The following MYO1E variants were observed in gnomAD, a reference collection of about 807,000 sequenced individuals.
MYO1E encodes the protein unconventional myosin-Ie.
MYO1E carries 68 observed loss-of-function variants against 151.1 expected under a neutral mutation model. That is an observed-to-expected ratio of 0.45 (90% confidence interval 0.37 to 0.55). The LOEUF is 0.55. MYO1E is among the 20% of genes least tolerant of loss of function. The pLI, the probability that MYO1E is intolerant of heterozygous loss-of-function variation, is 0.00. For missense variants in MYO1E, 1,363 were observed against 1,389.3 expected (o/e 0.98, Z 0.30); for synonymous variants, 601 against 501.7 (o/e 1.20, Z -2.64).
rs2079380126 is a variant in MYO1E at position 59,137,448 on chromosome 15, C to G, written c.3259G>C (p.Gly1087Arg). ...IIDIIKEDPSGWWTGRLRGKQ... is the reference protein window; with the variant it reads ...IIDIIKEDPSRWWTGRLRGKQ... ...CCTCGTAGTCGACCCGTCCACCAGC[C>G]AGAAGGATCTGCAGGGAGAGAGAGG... The change falls in exon 28 of 28, where the codon GGC (glycine) becomes CGC (arginine). Residue 1087 changes from glycine (G) to arginine (R), a missense_variant. By Grantham distance (125) the Gly-to-Arg change is moderately radical. Coordinates refer to ENST00000288235, the MANE Select transcript of MYO1E (RefSeq NM_004998.4). 6.2e-7 allele frequency: 1 copy of G among 1,614,008 alleles called. No individual in the cohort carries two copies. The highest frequency in any genetic ancestry group is 1.3e-5 in the African/African-American group (1 of 74,910).
chr15:59,263,642 T>G lies in MYO1E; in HGVS notation c.148-2133A>C, dbSNP rs191463491. Among the ~76,000 whole-genome samples the G allele has an allele frequency of 5.1e-3, 781 of 152,354 alleles. 4 individuals carry two copies. Among genetic ancestry groups the G allele is most frequent in the Non-Finnish European group, 8.6e-3 (588 of 68,038 alleles). The stretch of plus-strand genomic sequence containing the variant: ...TTATGCTTTTACTTCTCTTTGTCAC[T>G]GACCAGAAAGATCTTCATACTTGAA... On this transcript the variant is annotated intron_variant, in intron 2 of 27. Coordinates refer to ENST00000288235, the MANE Select transcript of MYO1E (RefSeq NM_004998.4).
At chr15:59,334,423 T>C (rs550255774) in intron 1 of MYO1E, among the ~76,000 whole-genome samples, 5 of 152,126 alleles carry the variant, frequency 3.3e-5, no homozygotes, top group Non-Finnish European at 7.4e-5. Context: ...ATCAAAATAT[T>C]GCATGTACCC....
chr15:59,249,903 T>A (rs1367493683), intron 4 of MYO1E, among the ~76,000 whole-genome samples: 2 of 152,210 alleles, frequency 1.3e-5, no homozygotes, highest in African/African-American at 4.8e-5. Context: ...GAACAGGATT[T>A]CCCTGCCTTT....
At chr15:59,195,012 C>A (rs1392686822) in intron 17 of MYO1E, among the ~76,000 whole-genome samples, 2 of 151,952 alleles carry the variant, frequency 1.3e-5, no homozygotes, top group South Asian at 4.2e-4. Flanking sequence ...AGTGTCTTCA[C>A]GAGGCACAGC....
intron 23 of MYO1E, among the ~76,000 whole-genome samples, chr15:59,162,530 T>C (rs1034283904): frequency 6.6e-6 from 1 of 151,478 alleles, no homozygotes; most frequent in African/African-American, 2.4e-5. Context: ...CTTGTAATCC[T>C]AGCTACTCAG....
chr15:59,224,879 C>A, intron 7 of MYO1E, 56 bp from the exon 8 acceptor site: 1 of 1,612,280 alleles, frequency 6.2e-7, no homozygotes, highest in South Asian at 1.1e-5. Flanking sequence ...CACCCGAAGT[C>A]ACTCCTGCAT....
chr15:59,183,513 T>C (rs947763716), intron 18 of MYO1E, among the ~76,000 whole-genome samples: 10 of 152,196 alleles, frequency 6.6e-5, no homozygotes, highest in Middle Eastern at 3.4e-3. Flanking sequence ...TAAGTTTTTT[T>C]TGGGGGGTGG....
intron 1 of MYO1E, among the ~76,000 whole-genome samples, chr15:59,285,346 G>GTC (rs1555416934): frequency 7.7e-6 from 1 of 130,642 alleles, no homozygotes; most frequent in African/African-American, 2.8e-5. Flanking sequence ...GCAAGACACT[G>GTC]TCTCTTTTTT....
chr15:59,151,937 A>G (rs1234835588), intron 26 of MYO1E, among the ~76,000 whole-genome samples: 1 of 151,738 alleles, frequency 6.6e-6, no homozygotes, highest in Non-Finnish European at 1.5e-5. Flanking sequence ...GCATGGTGGC[A>G]GGCGCCTGTA....
At chr15:59,281,325 G>A (rs1296865913) in intron 1 of MYO1E, among the ~76,000 whole-genome samples, 2 of 150,204 alleles carry the variant, frequency 1.3e-5, no homozygotes, top group Non-Finnish European at 3.0e-5. Flanking sequence ...ACCTAGGCTG[G>A]AGTGTAATGG....
intron 1 of MYO1E, among the ~76,000 whole-genome samples, chr15:59,324,800 A>C (rs532806008): frequency 1.3e-5 from 2 of 152,296 alleles, no homozygotes; most frequent in Non-Finnish European, 2.9e-5. Context: ...AAAGACATTA[A>C]AAGACTCCTA....
intron 4 of MYO1E, among the ~76,000 whole-genome samples, chr15:59,237,090 T>A (rs1179408908): frequency 6.6e-6 from 1 of 152,100 alleles, no homozygotes; most frequent in African/African-American, 2.4e-5. Flanking sequence ...ATACAAAACA[T>A]GATTACAATT....
At position 59,178,402 on chromosome 15, in the gene MYO1E, G is replaced by T; in HGVS notation, c.2040C>A (p.Ala680=). Residue 680 remains alanine, a synonymous_variant, in exon 19 of 28, where the codon GCC becomes GCA. Coordinates refer to ENST00000288235, the MANE Select transcript of MYO1E (RefSeq NM_004998.4). ...CCAGCCAAGCACTCACAGACTCGGGGGCTTTGATGAACACTTTACTCCTCC... is the reference window on the plus strand; with the variant it reads ...CCAGCCAAGCACTCACAGACTCGGGTGCTTTGATGAACACTTTACTCCTCC... The part of the protein sequence containing the change: ...QLGRSKVFIK[A]PESLFLLEEM... The T allele has an allele frequency of 6.2e-7, 1 of 1,614,216 alleles. No homozygotes were observed. The highest frequency in any genetic ancestry group is 8.5e-7 in the Non-Finnish European group (1 of 1,180,026).
intron 16 of MYO1E, among the ~76,000 whole-genome samples, chr15:59,196,664 TATTC>T (rs1160975520): frequency 1.3e-5 from 2 of 152,214 alleles, no homozygotes; most frequent in Non-Finnish European, 2.9e-5. Context: ...CAAAGCAAGA[TATTC>T]ATTGGTGAAT....
intron 1 of MYO1E, among the ~76,000 whole-genome samples, chr15:59,279,511 AGACCCTGT>A (rs2080340741): frequency 6.6e-6 from 1 of 152,210 alleles, no homozygotes; most frequent in South Asian, 2.1e-4. Flanking sequence ...CTCCCAGCCA[AGACCCTGT>A]GCCACTTAGC....
chr15:59,233,608 G>A (rs1186123835), intron 5 of MYO1E, among the ~76,000 whole-genome samples: 12 of 144,108 alleles, frequency 8.3e-5, no homozygotes, highest in African/African-American at 3.0e-4. Flanking sequence ...AGGTTGCAGT[G>A]AGCTGAGATC....
chr15:59,151,647 T>G (rs889181776), intron 26 of MYO1E, among the ~76,000 whole-genome samples: 5 of 152,170 alleles, frequency 3.3e-5, no homozygotes, highest in African/African-American at 1.2e-4. Flanking sequence ...GCACAGTGGC[T>G]CACGCCTGTA....
chr15:59,327,954 C>A (rs543956693), intron 1 of MYO1E, among the ~76,000 whole-genome samples: 1 of 152,188 alleles, frequency 6.6e-6, no homozygotes, highest in Non-Finnish European at 1.5e-5. Flanking sequence ...CACATTGACA[C>A]CCTCTCCATC....
intron 4 of MYO1E, among the ~76,000 whole-genome samples, chr15:59,248,462 G>A (rs1340064039): frequency 9.0e-6 from 1 of 111,070 alleles, no homozygotes; most frequent in African/African-American, 3.5e-5. Context: ...ACTCCAGCCT[G>A]AACGACAGGG....
Sources: gnomAD v4.1 joint callset for allele counts (sites outside exome capture counted in the v4.1 genomes callset) on GRCh38, gnomAD v4.1.1 for gene constraint, MANE v1.5 for transcripts, NCBI Gene and HGNC (gene_info 2026-07-23, HGNC 2026-07-21) for gene names.